Variants in KMT2E observed in about 807,000 individuals in gnomAD.
KMT2E encodes histone reader KMT2E.
Under a neutral mutation model 184.6 loss-of-function variants are expected in KMT2E, and 30 were observed. The ratio of observed to expected loss-of-function variants is 0.16; its 90% CI spans 0.12 to 0.22. The LOEUF (loss-of-function observed/expected upper bound fraction) is 0.22. KMT2E is among the 10% of genes least tolerant of loss of function. The pLI, the probability that KMT2E is intolerant of heterozygous loss-of-function variation, is 1.00. For synonymous variants in KMT2E, 815 were observed against 776.5 expected (o/e 1.05, Z -0.82); for missense variants, 2,023 against 2,237.4 (o/e 0.90, Z 1.93).
At chr7:105,062,338 C>A in intron 4 of KMT2E, 60 bp downstream of exon 4, 1 of 1,073,570 alleles carries the variant, frequency 9.3e-7, no homozygotes, top group Non-Finnish European at 1.4e-6. Context: ...AAAGTAGATG[C>A]ATGTGATACT....
Position 105,112,442 on chromosome 7 carries a change from C to T in KMT2E, c.4686C>T (p.Pro1562=), listed in dbSNP as rs1410862857. Residue 1562 remains proline, a synonymous_variant, in exon 27 of 27, where the codon CCC becomes CCT. Transcript: ENST00000311117. ...PSSSYYQNQQ[P]SANFQNYNQL... ...CGTCTTACTATCAAAACCAGCAGCCCTCTGCAAACTTTCAGAATTATAATC... is the reference window on the plus strand; with the variant it reads ...CGTCTTACTATCAAAACCAGCAGCCTTCTGCAAACTTTCAGAATTATAATC... The T allele has an allele frequency of 3.1e-6, 5 of 1,613,606 alleles. No individual in the cohort carries two copies. The highest frequency in any genetic ancestry group is 2.2e-5 in the East Asian group (1 of 44,820).
At chr7:105,046,453 G>C (rs998265925) in intron 3 of KMT2E, among the ~76,000 whole-genome samples, 12 of 152,104 alleles carry the variant, frequency 7.9e-5, no homozygotes, top group African/African-American at 2.7e-4. Flanking sequence ...CCAAAATTAA[G>C]TTTTAATCAG....
chr7:105,112,958 A>T lies in KMT2E; in HGVS notation c.5202A>T (p.Thr1734=). ...TTTTGGCTTCTGGGCATCATACCAC[A>T]TCAGCTCAAGCCTTACACCACCCAC... ...SSVLASGHHT[T]SAQALHHPPH... is the part of the protein sequence containing the mutation. Residue 1734 remains threonine, a synonymous_variant, in exon 27 of 27, where the codon ACA becomes ACT. Transcript: ENST00000311117. 6.2e-7 allele frequency: 1 copy of T among 1,613,782 alleles called. No homozygotes were observed. The highest frequency in any genetic ancestry group is 8.5e-7 in the Non-Finnish European group (1 of 1,179,958).
At chr7:105,028,942 C>T (rs886392096) in intron 1 of KMT2E, among the ~76,000 whole-genome samples, 4 of 151,930 alleles carry the variant, frequency 2.6e-5, no homozygotes, top group Non-Finnish European at 5.9e-5. Context: ...TGAGAATAAA[C>T]ATCATTAATC....
intron 3 of KMT2E, among the ~76,000 whole-genome samples, chr7:105,049,057 A>T (rs1319129317): frequency 3.9e-5 from 6 of 152,240 alleles, no homozygotes; most frequent in Non-Finnish European, 8.8e-5. Context: ...CAGGGAAAAA[A>T]TATCAAACAT....
At chr7:105,031,725 C>T (rs929886811) in intron 1 of KMT2E, among the ~76,000 whole-genome samples, 3 of 151,182 alleles carry the variant, frequency 2.0e-5, no homozygotes, top group Non-Finnish European at 4.4e-5. Flanking sequence ...GCACTCCAGC[C>T]TGGGTGACAG....
intron 3 of KMT2E, among the ~76,000 whole-genome samples, chr7:105,056,256 G>A (rs1796567264): frequency 6.6e-6 from 1 of 152,188 alleles, no homozygotes; most frequent in Non-Finnish European, 1.5e-5. Flanking sequence ...ATGTTGCCAT[G>A]AGATTTCAGT....
chr7:105,069,503 G>C (rs1485197926), intron 6 of KMT2E, among the ~76,000 whole-genome samples: 1 of 152,202 alleles, frequency 6.6e-6, no homozygotes, highest in Non-Finnish European at 1.5e-5. Context: ...GTGTACGAGG[G>C]TTTTATGGTC....
In KMT2E at chr7:105,101,535, A is replaced by C; in HGVS notation, c.1833A>C (p.Glu611Asp). 1 of 1,587,054 alleles carries C rather than the reference A, an allele frequency of 6.3e-7. No homozygotes were observed. The change falls in exon 16 of 27, where the codon GAA (glutamate) becomes GAC (aspartate). Residue 611 changes from glutamate (E) to aspartate (D), a missense_variant. Glu to Asp is a conservative substitution (Grantham distance 45, BLOSUM62 2). This residue lies in a region of KMT2E where 514 missense variants were observed against 621.8 expected (regional missense o/e 0.83). Transcript: ENST00000311117. ...AAAGGATCAGCACAGCCAAAACTGAAGTTAAAACTGAATGTAAAGATACAC... is the reference window on the plus strand; with the variant it reads ...AAAGGATCAGCACAGCCAAAACTGACGTTAAAACTGAATGTAAAGATACAC... ...ALERISTAKT[E>D]VKTECKDTQI...
intron 12 of KMT2E, among the ~76,000 whole-genome samples, chr7:105,081,057 C>T (rs1584771310): frequency 6.6e-6 from 1 of 151,338 alleles, no homozygotes; most frequent in African/African-American, 2.4e-5. Flanking sequence ...TATAAGACTC[C>T]TGATTTCAGA....
chr7:105,050,857 G>C (rs1584729028), intron 3 of KMT2E, among the ~76,000 whole-genome samples: 1 of 151,796 alleles, frequency 6.6e-6, no homozygotes, highest in African/African-American at 2.4e-5. Context: ...AGCCTCCTGA[G>C]TAGCTGAGAT....
intron 13 of KMT2E, chr7:105,089,473 C>T: frequency 9.9e-6 from 2 of 202,688 alleles, no homozygotes; most frequent in Non-Finnish European, 2.0e-5. Flanking sequence ...GCAAGAGCCA[C>T]TGTGCCTGGC....
intron 1 of KMT2E, among the ~76,000 whole-genome samples, chr7:105,034,066 C>G (rs577874407): frequency 3.3e-5 from 5 of 152,302 alleles, no homozygotes; most frequent in African/African-American, 1.2e-4. Context: ...ACCTCCTGTT[C>G]AAGGCCCTAC....
intron 19 of KMT2E, 90 bp downstream of exon 19, chr7:105,106,093 G>A: frequency 7.8e-7 from 1 of 1,281,416 alleles, no homozygotes; most frequent in Non-Finnish European, 1.1e-6. Flanking sequence ...TTACTGGTAT[G>A]CACTTTAGAA....
intron 3 of KMT2E, among the ~76,000 whole-genome samples, chr7:105,042,914 A>G (rs1383523260): frequency 1.3e-5 from 2 of 152,238 alleles, no homozygotes; most frequent in Non-Finnish European, 2.9e-5. Context: ...TCAATAACAT[A>G]CACTGGCTAT....
chr7:105,089,128 T>A (rs940341023), intron 13 of KMT2E: 1 of 283,904 alleles, frequency 3.5e-6, no homozygotes, highest in Non-Finnish European at 7.0e-6. Flanking sequence ...TGTGTTTGTT[T>A]TTTTCTTCTT....
Position 105,112,285 on chromosome 7 carries a change from C to T in KMT2E, c.4529C>T (p.Thr1510Ile), listed in dbSNP as rs185045076. 7 of 1,614,106 alleles carry T rather than the reference C, an allele frequency of 4.3e-6. No homozygotes were observed. The highest frequency in any genetic ancestry group is 1.3e-5 in the African/African-American group (1 of 75,036). The change falls in exon 27 of 27, where the codon ACT (threonine) becomes ATT (isoleucine). Residue 1510 changes from threonine (T) to isoleucine (I), a missense_variant. Thr to Ile is a moderately conservative substitution (Grantham distance 89, BLOSUM62 -1). Coordinates refer to ENST00000311117, the MANE Select transcript of KMT2E (RefSeq NM_182931.3). ...GCAGCACAGAACCTTCCAGCCAATACTCAGCAGGCAACTTCTGGAACATTA... is the reference window on the plus strand; with the variant it reads ...GCAGCACAGAACCTTCCAGCCAATATTCAGCAGGCAACTTCTGGAACATTA... ...YPAAQNLPAN[T>I]QQATSGTLFT...
chr7:105,035,898 C>T (rs531296580), intron 1 of KMT2E, among the ~76,000 whole-genome samples: 2 of 152,224 alleles, frequency 1.3e-5, no homozygotes, highest in South Asian at 2.1e-4. Context: ...TATTTGCCCA[C>T]GTTTGTGGTG....
At chr7:105,051,419 AGGTGATACGCCCGCCTCGGCCTAC>A in intron 3 of KMT2E, among the ~76,000 whole-genome samples, 1 of 152,042 alleles carries the variant, frequency 6.6e-6, no homozygotes, top group East Asian at 1.9e-4. Context: ...TCCCGACCTC[AGGTGATACGCCCGCCTCGGCCTAC>A]CAAAGTACTG....
Sources: allele counts gnomAD v4.1 joint callset (sites outside exome capture counted in the v4.1 genomes callset), GRCh38; gene constraint gnomAD v4.1.1; regional missense constraint gnomAD v4.1.1; transcripts MANE v1.5; gene names NCBI Gene and HGNC (gene_info 2026-07-23, HGNC 2026-07-21).